ADAP1: variants seen among roughly 807,000 people sequenced by gnomAD.
The protein encoded by ADAP1 is arf-GAP with dual PH domain-containing protein 1.
In ADAP1, 31 loss-of-function variants were observed where a neutral mutation model predicts 54.9. The observed-to-expected ratio is 0.56, with a 90% CI of 0.42 to 0.76. The LOEUF is 0.76. Among genes scored for constraint, ADAP1 ranks in the 30% least tolerant of loss-of-function variants. ADAP1 has a pLI of 0.00. For missense variants in ADAP1, 535 were observed against 512.4 expected (o/e 1.04, Z -0.42); for synonymous variants, 313 against 202.6 (o/e 1.55, Z -4.63).
chr7:916,720 G>A (rs1845947400), intron 4 of ADAP1, among the ~76,000 whole-genome samples: 1 of 152,162 alleles, frequency 6.6e-6, no homozygotes, highest in Non-Finnish European at 1.5e-5. Flanking sequence ...AATTGAATCA[G>A]CGCCTGCACA....
chr7:920,754 A>C lies in ADAP1; in HGVS notation c.306-704T>G. ...CAGACATCCCTGCCCAGAGCCACCC[A>C]CCACGGCCTCCCCATCCACCGTGAC... On this transcript the variant is annotated intron_variant, in intron 3 of 10. Transcript: ENST00000265846. This position sits in a 1 kb window ranked among gnomAD's most constrained non-coding sequence, Gnocchi z 4.5. 1 of 1,540,542 alleles carries C rather than the reference A, an allele frequency of 6.5e-7. No homozygotes were observed. Among genetic ancestry groups the C allele is most frequent in the Non-Finnish European group, 8.8e-7 (1 of 1,140,016 alleles).
At chr7:950,485 C>CAAAA (rs59360722) in intron 1 of ADAP1, among the ~76,000 whole-genome samples, 3 of 93,114 alleles carry the variant, frequency 3.2e-5, no homozygotes, top group African/African-American at 8.4e-5. Context: ...GACTCTGCCT[C>CAAAA]AAAAAAAAAA....
chr7:949,633 C>G (rs1394727432), intron 1 of ADAP1, among the ~76,000 whole-genome samples: 2 of 152,208 alleles, frequency 1.3e-5, no homozygotes, highest in African/African-American at 4.8e-5. Context: ...GTAACCTTGG[C>G]CCACACCACA....
At chr7:905,883 A>AGAAAGG (rs1562913158) in intron 4 of ADAP1, among the ~76,000 whole-genome samples, 10 of 8,594 alleles carry the variant, frequency 1.2e-3, no homozygotes, top group Admixed American at 3.8e-3. Flanking sequence ...GGGAGAAAGG[A>AGAAAGG]GAAAGGAGAA....
chr7:906,797 A>AGGTGACATGGGAGACACG lies in ADAP1; in HGVS notation c.389-1626_389-1625insCGTGTCTCCCATGTCACC, dbSNP rs1554272514. 5.4e-5 allele frequency among the ~76,000 whole-genome samples: 2 copies of AGGTGACATGGGAGACACG among 37,336 alleles called. 1 individual carries two copies. The highest frequency in any genetic ancestry group is 2.6e-4 in the African/African-American group (2 of 7,608). 24.5% of individuals were successfully genotyped at this position (37,336 alleles called of 152,430 possible). A position where few individuals can be genotyped will look rare whatever the true frequency, so the allele number is the denominator to read the frequency against. On this transcript the variant is annotated intron_variant, in intron 4 of 10. Transcript: ENST00000265846. ...GGACAGGGGACACGGGGGACGGGAC[A>AGGTGACATGGGAGACACG]GGGGACATGGGGGGACATGGGTCAG... is the stretch of plus-strand genomic sequence containing the variant.
intron 1 of ADAP1, among the ~76,000 whole-genome samples, chr7:948,977 G>A (rs1847205571): frequency 6.6e-6 from 1 of 152,172 alleles, no homozygotes; most frequent in Non-Finnish European, 1.5e-5. Context: ...TTACAGGCGT[G>A]AGCCACCATG....
At position 904,196 on chromosome 7, in the gene ADAP1, TG is replaced by T. The variant is rs1284945590; in HGVS notation, c.577del (p.His193ThrfsTer8). ...CTTCAGGTAGGTGACCTGCAGGCCG[TG>T]GGGGTGGCCGATCTTGGCCGGCTGG... ...TFQPAKIGHP[H>X]GLQVTYLKDN... On this transcript the variant is annotated frameshift_variant, in exon 6 of 11. Transcript: ENST00000265846. LOFTEE classifies it high-confidence loss of function. 1 of 1,611,802 alleles carries T rather than the reference TG, an allele frequency of 6.2e-7. No individual in the cohort carries two copies. Among genetic ancestry groups the T allele is most frequent in the East Asian group, 2.2e-5 (1 of 44,746 alleles).
chr7:936,755 C>T (rs1296654344), intron 1 of ADAP1, among the ~76,000 whole-genome samples: 1 of 152,206 alleles, frequency 6.6e-6, no homozygotes, highest in Non-Finnish European at 1.5e-5. Context: ...GGAGGCTCTC[C>T]TGGGTGAGGC....
intron 1 of ADAP1, among the ~76,000 whole-genome samples, chr7:939,903 A>G (rs1010530989): frequency 6.6e-6 from 1 of 152,080 alleles, no homozygotes; most frequent in Non-Finnish European, 1.5e-5. Context: ...AGTGAGCCCA[A>G]GAAGGGCTTG....
intron 4 of ADAP1, among the ~76,000 whole-genome samples, chr7:909,972 C>G (rs1009051151): frequency 5.3e-5 from 8 of 152,196 alleles, no homozygotes; most frequent in African/African-American, 1.4e-4. Flanking sequence ...CCTGCTCAGA[C>G]GCCTCTGAGG....
chr7:900,717 G>T, intron 6 of ADAP1, 101 bp from the exon 7 acceptor site: 2 of 1,031,188 alleles, frequency 1.9e-6, no homozygotes, highest in Non-Finnish European at 2.9e-6. Flanking sequence ...TTCCCCCAGA[G>T]CCCAGCCCCT....
chr7:943,622 A>AAG, intron 1 of ADAP1, among the ~76,000 whole-genome samples: 1 of 32,222 alleles, frequency 3.1e-5, no homozygotes, highest in African/African-American at 2.8e-4. Flanking sequence ...AGAGAGGAGG[A>AAG]GGAAGGGAGA....
chr7:924,158 ACGC>A (rs1225583056), intron 3 of ADAP1, among the ~76,000 whole-genome samples: 4 of 84,764 alleles, frequency 4.7e-5, no homozygotes, highest in African/African-American at 2.1e-4. Flanking sequence ...CTGCAGGTCC[ACGC>A]TGCACCCCCC....
intron 4 of ADAP1, among the ~76,000 whole-genome samples, chr7:914,381 G>C (rs958341310): frequency 6.6e-5 from 10 of 152,240 alleles, no homozygotes; most frequent in African/African-American, 2.4e-4. Context: ...TGGTGGCAAA[G>C]CCAGGGAGCA....
rs1847127490 is a variant in ADAP1, at chr7:945,989, G to C, written c.82+8407C>G. ...CCTCCCAAGGCTGACGCACAGCAGA[G>C]ATCCCGGTGCAATCGAGGCCGGGTC... On this transcript the variant is annotated intron_variant, in intron 1 of 10. Transcript: ENST00000265846. The surrounding 1 kb of genome is among the most constrained non-coding windows in gnomAD (Gnocchi z 4.2). Among the ~76,000 whole-genome samples the C allele has an allele frequency of 6.6e-6, 1 of 152,184 alleles. No individual in the cohort carries two copies. The highest frequency in any genetic ancestry group is 2.1e-4 in the South Asian group (1 of 4,836).
chr7:898,021 G>A lies in ADAP1; in HGVS notation c.*900C>T, dbSNP rs1055738. 1 of 152,270 alleles carries A rather than the reference G, an allele frequency of 6.6e-6. No individual in the cohort carries two copies. The highest frequency in any genetic ancestry group is 1.5e-5 in the Non-Finnish European group (1 of 68,072). The allele number at this position is 152,270 out of a possible 1,614,324, so 9.4% of individuals were successfully genotyped here. A position where few individuals can be genotyped will look rare whatever the true frequency, so the allele number is the denominator to read the frequency against. On this transcript the variant is annotated 3_prime_UTR_variant, in exon 11 of 11. Transcript: ENST00000265846. ...CAGGGCTCCCCTGGAACACAGCTCA[G>A]CCAGGCAAGGCTGGGAGAGGGCTGG...
intron 1 of ADAP1, among the ~76,000 whole-genome samples, chr7:940,089 TTG>T (rs559427925): frequency 6.6e-6 from 1 of 152,130 alleles, no homozygotes; most frequent in Non-Finnish European, 1.5e-5. Context: ...TCCTTGGTAT[TTG>T]TGTGTGAGCA....
chr7:953,552 C>T (rs939856819), intron 1 of ADAP1, among the ~76,000 whole-genome samples: 2 of 152,256 alleles, frequency 1.3e-5, no homozygotes, highest in Non-Finnish European at 2.9e-5. Flanking sequence ...GACTATTGGC[C>T]CCCAGATTCC....
chr7:939,086 C>A (rs1846864123), intron 1 of ADAP1, among the ~76,000 whole-genome samples: 1 of 152,174 alleles, frequency 6.6e-6, no homozygotes, highest in Admixed American at 6.5e-5. Flanking sequence ...ACGGCGTGGA[C>A]CAGCTGCCTG....
Sources: allele counts gnomAD v4.1 joint callset (sites outside exome capture counted in the v4.1 genomes callset), GRCh38; gene constraint gnomAD v4.1.1; non-coding constraint Gnocchi (gnomAD v3.1); transcripts MANE v1.5; gene names NCBI Gene and HGNC (gene_info 2026-07-23, HGNC 2026-07-21).